Variants in TBCK observed in about 807,000 individuals in gnomAD.
The protein encoded by TBCK is TBC1 domain containing kinase.
TBCK carries 99 observed loss-of-function variants against 113.4 expected under a neutral mutation model. The observed-to-expected ratio is 0.87, with a 90% confidence interval of 0.74 to 1.03. The LOEUF is 1.03. Among genes scored for constraint, TBCK ranks in the 50% least tolerant of loss-of-function variants. The pLI, the probability that TBCK is intolerant of heterozygous loss-of-function variation, is 0.00. For synonymous variants in TBCK, 369 were observed against 370.8 expected (o/e 1.00, Z 0.05); for missense variants, 1,045 against 1,061.3 (o/e 0.98, Z 0.21).
chr4:106,182,353 C>G (rs1192128332), intron 22 of TBCK: 2 of 152,030 alleles, frequency 1.3e-5, no homozygotes, highest in Admixed American at 6.6e-5. Context: ...ATATGAATAC[C>G]CTTTATTTCT....
At chr4:106,155,299 T>G (rs1281361789) in intron 23 of TBCK, among the ~76,000 whole-genome samples, 2 of 152,110 alleles carry the variant, frequency 1.3e-5, no homozygotes, top group African/African-American at 2.4e-5. Flanking sequence ...TCTTTGACCT[T>G]TCAGAGTTTA....
At chr4:106,197,844 A>G (rs1754444851) in intron 20 of TBCK, among the ~76,000 whole-genome samples, 1 of 152,070 alleles carries the variant, frequency 6.6e-6, no homozygotes, top group Admixed American at 6.6e-5. Flanking sequence ...GATAGATATT[A>G]TTTTTACAAG....
intron 18 of TBCK, 32 bp downstream of exon 18, chr4:106,231,697 G>T (rs375038152): frequency 6.4e-7 from 1 of 1,574,326 alleles, no homozygotes; most frequent in East Asian, 2.3e-5. Context: ...AATATTATGC[G>T]CAATGATTAT....
chr4:106,144,452 A>G (rs187427854), intron 23 of TBCK, among the ~76,000 whole-genome samples: 8 of 152,234 alleles, frequency 5.3e-5, no homozygotes, highest in Admixed American at 2.0e-4. Context: ...ATTGGAAAAG[A>G]TGCAGTCCAT....
chr4:106,153,542 T>C (rs1444759162), intron 23 of TBCK, among the ~76,000 whole-genome samples: 1 of 152,132 alleles, frequency 6.6e-6, no homozygotes, highest in Non-Finnish European at 1.5e-5. Context: ...TAATATGTAT[T>C]CTGTGGCTGT....
rs1461719710 is a variant in TBCK at position 106,115,184 on chromosome 4, T to A, written c.2411+1019A>T. 2.0e-5 allele frequency among the ~76,000 whole-genome samples: 3 copies of A among 152,210 alleles called. No individual in the cohort carries two copies. In the East Asian group the frequency reaches 5.8e-4, roughly 29 times the overall value. ...ATGAAAACTTATTGCTGATTGAGTA[T>A]CCTTAATCCAAAAATCTAAAATCTG... On this transcript the variant is annotated intron_variant, in intron 24 of 25. Coordinates refer to ENST00000394708, the MANE Select transcript of TBCK (RefSeq NM_001163435.3).
chr4:106,243,696 T>C (rs1358681601), intron 11 of TBCK, among the ~76,000 whole-genome samples: 3 of 152,140 alleles, frequency 2.0e-5, no homozygotes, highest in Non-Finnish European at 4.4e-5. Context: ...ATTAAAATTT[T>C]ATTTTATTTT....
In TBCK at chr4:106,059,538, G is replaced by A. The variant is rs1025301254; in HGVS notation, c.2572-12858C>T. 6.6e-5 allele frequency among the ~76,000 whole-genome samples: 10 copies of A among 151,660 alleles called. No homozygotes were observed. The Admixed American group carries it at 6.6e-4, about 10-fold the overall frequency. On this transcript the variant is annotated intron_variant, in intron 25 of 25. Coordinates refer to ENST00000394708, the MANE Select transcript of TBCK (RefSeq NM_001163435.3). The stretch of plus-strand genomic sequence containing the variant: ...GGGGATATGAGCCATACCTATATAA[G>A]ATGGCAAACTTAGTGAATAAATGTG...
intron 20 of TBCK, among the ~76,000 whole-genome samples, chr4:106,197,403 G>GTATATATATATATATATATATATA (rs1482373580): frequency 1.8e-5 from 2 of 110,928 alleles, no homozygotes; most frequent in African/African-American, 5.8e-5. Flanking sequence ...GTGTGTGTGT[G>GTATATATATATATATATATATATA]TGTGTGTGTA....
chr4:106,284,915 A>G (rs570201324), intron 3 of TBCK, among the ~76,000 whole-genome samples: 1 of 152,282 alleles, frequency 6.6e-6, no homozygotes, highest in African/African-American at 2.4e-5. Context: ...GCTTTAGGGT[A>G]GCATTAGGTA....
At chr4:106,054,823 A>T (rs1053037962) in intron 25 of TBCK, among the ~76,000 whole-genome samples, 2 of 151,664 alleles carry the variant, frequency 1.3e-5, no homozygotes, top group African/African-American at 4.8e-5. Context: ...AAGGAATCTG[A>T]CTGGCTCTGG....
intron 19 of TBCK, among the ~76,000 whole-genome samples, chr4:106,228,356 A>G (rs1320556215): frequency 8.8e-6 from 1 of 113,664 alleles, no homozygotes; most frequent in Non-Finnish European, 2.0e-5. Context: ...TTTTTTTTTT[A>G]CCCATTCACA....
chr4:106,209,291 A>G (rs997472454), intron 20 of TBCK, among the ~76,000 whole-genome samples: 6 of 152,192 alleles, frequency 3.9e-5, no homozygotes, highest in African/African-American at 1.4e-4. Flanking sequence ...CACCCTGCAT[A>G]GCAGCACACT....
chr4:106,090,147 T>C (rs974262304), intron 25 of TBCK, among the ~76,000 whole-genome samples: 1 of 152,214 alleles, frequency 6.6e-6, no homozygotes, highest in Non-Finnish European at 1.5e-5. Context: ...GGAATCCAGG[T>C]GGGAGTTGCG....
chr4:106,254,748 C>T (rs369639901), intron 5 of TBCK, among the ~76,000 whole-genome samples: 2 of 152,024 alleles, frequency 1.3e-5, no homozygotes, highest in African/African-American at 4.8e-5. Flanking sequence ...AAACCTCTTT[C>T]TCCCCAAGTA....
At chr4:106,087,581 T>C (rs190316774) in intron 25 of TBCK, among the ~76,000 whole-genome samples, 9 of 152,308 alleles carry the variant, frequency 5.9e-5, no homozygotes, top group African/African-American at 9.6e-5. Context: ...GAAAAAACTA[T>C]TTTAAATTTC....
At chr4:106,139,062 C>T (rs775526544) in intron 23 of TBCK, among the ~76,000 whole-genome samples, 2 of 140,794 alleles carry the variant, frequency 1.4e-5, no homozygotes, top group African/African-American at 2.5e-5. Context: ...TCACCCTTAT[C>T]CTCTTCCTTG....
intron 24 of TBCK, among the ~76,000 whole-genome samples, chr4:106,110,457 A>C (rs1742708527): frequency 6.6e-6 from 1 of 152,222 alleles, no homozygotes; most frequent in Non-Finnish European, 1.5e-5. Context: ...GGGTTTCATC[A>C]TAGGACAACA....
chr4:106,126,089 T>C (rs1745178840), intron 23 of TBCK, among the ~76,000 whole-genome samples: 1 of 152,228 alleles, frequency 6.6e-6, no homozygotes, highest in South Asian at 2.1e-4. Flanking sequence ...ACTGTGCCTT[T>C]GCACATGTTG....
Sources: gnomAD v4.1 joint callset for allele counts (sites outside exome capture counted in the v4.1 genomes callset) on GRCh38, gnomAD v4.1.1 for gene constraint, MANE v1.5 for transcripts, NCBI Gene and HGNC (gene_info 2026-07-23, HGNC 2026-07-21) for gene names.